The following RUNX1 variants were observed in gnomAD, a reference collection of about 807,000 sequenced individuals.
RUNX1 encodes RUNX family transcription factor 1, also known as runt-related transcription factor 1.
A neutral mutation model predicts 42.8 loss-of-function variants in RUNX1; 19 were observed. The observed-to-expected ratio is 0.44, with a 90% CI of 0.31 to 0.65. RUNX1 has a LOEUF of 0.65. Among genes scored for constraint, RUNX1 ranks in the 30% least tolerant of loss-of-function variants. RUNX1 has a pLI of 0.07. For synonymous variants in RUNX1, 271 were observed against 289.4 expected, an observed-to-expected ratio of 0.94 and a Z score of 0.64; for missense variants, 528 against 672.0, an observed-to-expected ratio of 0.79 and a Z score of 2.37.
At chr21:35,040,334 A>C (rs1209377425) in intron 2 of RUNX1, among the ~76,000 whole-genome samples, 1 of 152,200 alleles carries the variant, frequency 6.6e-6, no homozygotes, top group Non-Finnish European at 1.5e-5. Context: ...AGTTGACCTA[A>C]ACTCTCTTTT....
intron 2 of RUNX1, among the ~76,000 whole-genome samples, chr21:35,046,759 C>G (rs978126219): frequency 2.0e-5 from 3 of 152,236 alleles, no homozygotes; most frequent in African/African-American, 7.2e-5. Flanking sequence ...ACTTGGCCCT[C>G]TGACATCAAA....
At chr21:34,922,213 G>T (rs535948887) in intron 2 of RUNX1, among the ~76,000 whole-genome samples, 16 of 152,278 alleles carry the variant, frequency 1.1e-4, no homozygotes, top group Non-Finnish European at 1.9e-4. Flanking sequence ...AGCAAGGTGT[G>T]TGCCGGTTCT....
At chr21:34,844,227 G>A (rs1034555058) in intron 6 of RUNX1, among the ~76,000 whole-genome samples, 14 of 152,196 alleles carry the variant, frequency 9.2e-5, no homozygotes, top group South Asian at 2.1e-4. Context: ...TATTGGTGGC[G>A]GGTGGCGCAC....
chr21:34,799,265 G>A (rs2145906527), intron 8 of RUNX1, 36 bp downstream of exon 8: 1 of 1,612,408 alleles, frequency 6.2e-7, no homozygotes, highest in Non-Finnish European at 8.5e-7. Flanking sequence ...TTCCACCCCA[G>A]CTCAGCTGCA....
intron 7 of RUNX1, chr21:34,830,109 T>C (rs570159149): frequency 2.6e-5 from 4 of 152,120 alleles, no homozygotes; most frequent in African/African-American, 7.2e-5. Context: ...AATCAAGAGA[T>C]GATTTGAGAG....
intron 5 of RUNX1, among the ~76,000 whole-genome samples, chr21:34,869,463 A>G (rs191826802): frequency 3.4e-4 from 52 of 152,286 alleles, no homozygotes; most frequent in African/African-American, 1.0e-3. Flanking sequence ...TGTGTTTTCT[A>G]TGTCATCATT....
intron 2 of RUNX1, among the ~76,000 whole-genome samples, chr21:34,983,859 C>A (rs1005097949): frequency 1.6e-4 from 24 of 152,144 alleles, no homozygotes; most frequent in African/African-American, 5.6e-4. Context: ...GGGGGTGGAG[C>A]AGGGTCATCA....
chr21:34,844,623 T>C (rs1411207849), intron 6 of RUNX1, among the ~76,000 whole-genome samples: 2 of 152,188 alleles, frequency 1.3e-5, no homozygotes, highest in Non-Finnish European at 2.9e-5. Flanking sequence ...AGTGAGCCCC[T>C]TTCCTGGACT....
chr21:34,855,827 T>C lies in RUNX1; in HGVS notation c.613+3647A>G, dbSNP rs80079766. The stretch of plus-strand genomic sequence containing the variant: ...CTCAGTATATCAACAAGCTACTAAG[T>C]GCTCTACGTGCTAACCGAAAACAGA... On this transcript the variant is annotated intron_variant, in intron 6 of 8. Transcript: ENST00000675419. Among the ~76,000 whole-genome samples, 353 of 152,350 alleles carry C rather than the reference T, an allele frequency of 2.3e-3. 3 individuals are homozygous for C. The highest frequency in any genetic ancestry group is 8.1e-3 in the African/African-American group (336 of 41,596).
chr21:34,975,993 A>G (rs1308163920), intron 2 of RUNX1, among the ~76,000 whole-genome samples: 1 of 152,218 alleles, frequency 6.6e-6, no homozygotes, highest in Non-Finnish European at 1.5e-5. Flanking sequence ...GAAGAAAGCT[A>G]TCAAATATTT....
chr21:34,908,345 G>T (rs1243896036), intron 2 of RUNX1, among the ~76,000 whole-genome samples: 1 of 152,168 alleles, frequency 6.6e-6, no homozygotes, highest in Non-Finnish European at 1.5e-5. Context: ...GTATTGGAAA[G>T]GAAGAAGAGA....
intron 2 of RUNX1, among the ~76,000 whole-genome samples, chr21:35,003,323 C>G (rs1018141245): frequency 6.6e-6 from 1 of 152,248 alleles, no homozygotes; most frequent in Admixed American, 6.5e-5. Flanking sequence ...AGCAAGGGAG[C>G]AAGTAGACAG....
chr21:34,844,248 T>C (rs756541210), intron 6 of RUNX1, among the ~76,000 whole-genome samples: 1 of 152,152 alleles, frequency 6.6e-6, no homozygotes, highest in Non-Finnish European at 1.5e-5. Flanking sequence ...TATGGAGATA[T>C]GAGCACTGAC....
At chr21:35,025,377 A>G (rs2059227757) in intron 2 of RUNX1, among the ~76,000 whole-genome samples, 1 of 152,166 alleles carries the variant, frequency 6.6e-6, no homozygotes, top group Non-Finnish European at 1.5e-5. Context: ...CTCATGGTCC[A>G]GCCCTGTTCA....
At chr21:34,946,003 T>C (rs1401734329) in intron 2 of RUNX1, among the ~76,000 whole-genome samples, 1 of 152,164 alleles carries the variant, frequency 6.6e-6, no homozygotes, top group Non-Finnish European at 1.5e-5. Context: ...TTTGGATGCG[T>C]TCTCCTGTTC....
At chr21:35,021,974 T>C (rs2059201347) in intron 2 of RUNX1, among the ~76,000 whole-genome samples, 1 of 152,218 alleles carries the variant, frequency 6.6e-6, no homozygotes. Flanking sequence ...TTTAAGAGGC[T>C]GGCAAGAACT....
chr21:34,958,350 C>A (rs1444632863), intron 2 of RUNX1, among the ~76,000 whole-genome samples: 1 of 151,942 alleles, frequency 6.6e-6, no homozygotes, highest in East Asian at 1.9e-4. Context: ...AACAAATTTA[C>A]AAGAAAAAAA....
chr21:34,846,639 C>T (rs1398647331), intron 6 of RUNX1, among the ~76,000 whole-genome samples: 2 of 152,156 alleles, frequency 1.3e-5, no homozygotes, highest in Admixed American at 6.5e-5. Context: ...CGGGCAGGCC[C>T]GCAGTCTTTC....
intron 5 of RUNX1, among the ~76,000 whole-genome samples, chr21:34,874,743 C>T (rs558820255): frequency 4.2e-4 from 64 of 151,796 alleles, no homozygotes; most frequent in African/African-American, 1.5e-3. Flanking sequence ...CTTCTCCACC[C>T]TCTCTTGCCC....
Sources: allele counts gnomAD v4.1 joint callset (sites outside exome capture counted in the v4.1 genomes callset), GRCh38; gene constraint gnomAD v4.1.1; transcripts MANE v1.5; gene names NCBI Gene and HGNC (gene_info 2026-07-23, HGNC 2026-07-21).